The following IMPA2 variants were observed in gnomAD, a reference collection of about 807,000 sequenced individuals.
The protein encoded by IMPA2 is inositol monophosphatase 2, also known as IMP 2.
Under a neutral mutation model 35.1 loss-of-function variants are expected in IMPA2, and 32 were observed. That is an observed-to-expected ratio of 0.91 (90% CI 0.69 to 1.23). IMPA2 has a LOEUF of 1.23. Among genes scored for constraint, IMPA2 ranks in the 50% most tolerant of loss-of-function variants. The pLI is 0.00. For synonymous variants in IMPA2, 135 were observed against 160.6 expected (o/e 0.84, Z 1.20); for missense variants, 334 against 387.6 (o/e 0.86, Z 1.16).
intron 5 of IMPA2, among the ~76,000 whole-genome samples, chr18:12,016,990 C>G (rs1060510): frequency 0.12 from 18,350 of 152,182 alleles, 1,557 homozygotes; most frequent in East Asian, 0.42. Flanking sequence ...AGGACACAGT[C>G]ATTAAAACAA....
At chr18:11,993,985 G>A (rs1176230390) in intron 1 of IMPA2, 1 of 152,204 alleles carries the variant, frequency 6.6e-6, no homozygotes, top group Non-Finnish European at 1.5e-5. Flanking sequence ...GCATGTTCGA[G>A]CCCCATGGCC....
In IMPA2 at chr18:11,996,941, T is replaced by TAC. The variant is rs937745772; in HGVS notation, c.97-2104_97-2103dup. On this transcript the variant is annotated intron_variant, in intron 1 of 7. Transcript: ENST00000269159. ...CCTGCATCTTCCCACACCACACCGA[T>TAC]ACACACACACCCAGAGATAGACATA... Among the ~76,000 whole-genome samples, 20 of 147,072 alleles carry TAC rather than the reference T, an allele frequency of 1.4e-4. No homozygotes were observed. In the East Asian group the frequency reaches 2.0e-3, roughly 15 times the overall value.
chr18:12,028,107 G>C lies in IMPA2; in HGVS notation c.555G>C (p.Leu185=). ...AACGTGACCCTGCGACCCTGAAGCT[G>C]TTCCTGAGTAACATGGAGCGGCTGC... is the stretch of plus-strand genomic sequence containing the variant. ...GPKRDPATLK[L]FLSNMERLLH... is the part of the protein sequence containing the mutation. The change falls in exon 6 of 8, where the codon CTG becomes CTC. Residue 185 remains leucine (L), a synonymous_variant. Transcript: ENST00000269159. 1.9e-6 allele frequency: 3 copies of C among 1,614,160 alleles called. No individual in the cohort carries two copies. Among genetic ancestry groups the C allele is most frequent in the Non-Finnish European group, 2.5e-6 (3 of 1,179,986 alleles).
chr18:12,013,723 G>A (rs185378214), intron 4 of IMPA2, among the ~76,000 whole-genome samples: 2 of 152,298 alleles, frequency 1.3e-5, no homozygotes, highest in East Asian at 3.9e-4. Context: ...TTTGTTCCCT[G>A]ATGTGGGGCA....
At chr18:11,990,242 G>A (rs1906776962) in intron 1 of IMPA2, among the ~76,000 whole-genome samples, 1 of 152,176 alleles carries the variant, frequency 6.6e-6, no homozygotes, top group South Asian at 2.1e-4. Flanking sequence ...TGTGAGAGAT[G>A]GAGGAGGTGC....
chr18:12,006,353 C>T (rs1367282277), intron 2 of IMPA2, among the ~76,000 whole-genome samples: 1 of 152,258 alleles, frequency 6.6e-6, no homozygotes, highest in Non-Finnish European at 1.5e-5. Context: ...CTGTGCATCA[C>T]CTGACCTAGA....
At chr18:12,016,186 A>G (rs1448333069) in intron 5 of IMPA2, among the ~76,000 whole-genome samples, 1 of 152,192 alleles carries the variant, frequency 6.6e-6, no homozygotes, top group Non-Finnish European at 1.5e-5. Context: ...TCTGTTCCCT[A>G]CAGTACCTGT....
chr18:12,007,562 T>A (rs1190061519), intron 2 of IMPA2, among the ~76,000 whole-genome samples: 1 of 149,910 alleles, frequency 6.7e-6, no homozygotes, highest in Non-Finnish European at 1.5e-5. Context: ...CGCTTCTTTC[T>A]TTCTTTCCTT....
At chr18:12,029,120 T>TG in intron 7 of IMPA2, 127 bp downstream of exon 7, 1 of 913,848 alleles carries the variant, frequency 1.1e-6, no homozygotes. Context: ...TTTTTTTTTT[T>TG]TTTTTTTTTT....
chr18:12,028,428 T>A (rs577864754), intron 6 of IMPA2: 51 of 480,974 alleles, frequency 1.1e-4, no homozygotes, highest in African/African-American at 6.7e-4. Context: ...TGCAAATACT[T>A]ACAGTCCTTC....
chr18:12,027,372 T>G (rs1442889669), intron 5 of IMPA2, among the ~76,000 whole-genome samples: 1 of 152,174 alleles, frequency 6.6e-6, no homozygotes, highest in East Asian at 1.9e-4. Flanking sequence ...GGCACCCCCC[T>G]GCATCCAGAG....
intron 5 of IMPA2, 22 bp from the exon 6 acceptor site, chr18:12,028,021 C>A: frequency 6.5e-7 from 1 of 1,538,942 alleles, no homozygotes; most frequent in Non-Finnish European, 9.0e-7. Flanking sequence ...TTTCTGGTGA[C>A]AGGAAATTCT....
At chr18:11,985,001 G>A (rs1398495408) in intron 1 of IMPA2, among the ~76,000 whole-genome samples, 3 of 147,172 alleles carry the variant, frequency 2.0e-5, no homozygotes, top group Non-Finnish European at 4.5e-5. Flanking sequence ...AAAATCAGTC[G>A]AGCGTGGTGG....
intron 4 of IMPA2, among the ~76,000 whole-genome samples, chr18:12,013,051 G>T (rs1907476927): frequency 6.6e-6 from 1 of 152,240 alleles, no homozygotes; most frequent in Non-Finnish European, 1.5e-5. Context: ...ATATTGTGGT[G>T]CCCAGAGTGG....
intron 1 of IMPA2, among the ~76,000 whole-genome samples, chr18:11,997,418 A>T (rs1455938786): frequency 6.6e-6 from 1 of 152,220 alleles, no homozygotes; most frequent in Non-Finnish European, 1.5e-5. Context: ...GGACATGGCT[A>T]TGTGGACGCT....
chr18:12,026,120 C>T (rs184427901), intron 5 of IMPA2, among the ~76,000 whole-genome samples: 83 of 149,130 alleles, frequency 5.6e-4, no homozygotes, highest in African/African-American at 1.6e-3. Context: ...CTGCAACCTC[C>T]GCCTCCCGGG....
At chr18:12,029,618 G>GC (rs757618880) in intron 7 of IMPA2, among the ~76,000 whole-genome samples, 1 of 150,718 alleles carries the variant, frequency 6.6e-6, no homozygotes, top group Non-Finnish European at 1.5e-5. Context: ...ATGGGGTTTT[G>GC]CCATGTTGGT....
chr18:12,025,994 G>A (rs529009025), intron 5 of IMPA2, among the ~76,000 whole-genome samples: 5 of 150,352 alleles, frequency 3.3e-5, no homozygotes, highest in South Asian at 2.1e-4. Context: ...AATTTAACAC[G>A]CATTCCCCAG....
chr18:11,998,573 A>C (rs565314637), intron 1 of IMPA2, among the ~76,000 whole-genome samples: 18 of 152,374 alleles, frequency 1.2e-4, no homozygotes, highest in Admixed American at 3.3e-4. Context: ...AAAGTGAATT[A>C]GGGAAAATAA....
Sources: allele counts gnomAD v4.1 joint callset (sites outside exome capture counted in the v4.1 genomes callset), GRCh38; gene constraint gnomAD v4.1.1; transcripts MANE v1.5; gene names NCBI Gene and HGNC (gene_info 2026-07-23, HGNC 2026-07-21).